Variants in DLG2 observed in about 807,000 individuals in gnomAD.
DLG2 encodes discs large MAGUK scaffold protein 2, also known as disks large homolog 2.
Under a neutral mutation model 132.5 loss-of-function variants are expected in DLG2, and 45 were observed. The observed-to-expected ratio is 0.34, with a 90% CI of 0.27 to 0.44. DLG2 has a LOEUF of 0.44. Among genes scored for constraint, DLG2 ranks in the 20% least tolerant of loss-of-function variants. The pLI is 1.00. For missense variants in DLG2, 1,045 were observed against 1,196.9 expected (o/e 0.87, Z 1.87); for synonymous variants, 424 against 419.6 (o/e 1.01, Z -0.13).
At position 85,586,490 on chromosome 11, in the gene DLG2, A is replaced by G. The variant is rs78367982; in HGVS notation, c.40+12167T>C. ...CTCCTCTACATTTTCTAGTTTGTCC[A>G]CATAATGGTGTTCAGAACAGTCTTG... On this transcript the variant is annotated intron_variant, in intron 3 of 27. Transcript: ENST00000376104. Among the ~76,000 whole-genome samples the G allele has an allele frequency of 3.1e-4, 47 of 152,308 alleles. 3 individuals carry two copies. The East Asian group carries it at 9.0e-3, about 29-fold the overall frequency.
intron 6 of DLG2, among the ~76,000 whole-genome samples, chr11:85,032,487 T>C (rs659414): frequency 0.15 from 22,561 of 152,104 alleles, 1,822 homozygotes; most frequent in South Asian, 0.28. Context: ...CTTTAATGAG[T>C]CTCTATTGGA....
intron 6 of DLG2, among the ~76,000 whole-genome samples, chr11:84,736,287 T>C (rs1484268046): frequency 6.6e-6 from 1 of 151,970 alleles, no homozygotes; most frequent in Non-Finnish European, 1.5e-5. Flanking sequence ...ATAATAATTA[T>C]TGAAACAACT....
At chr11:84,715,980 C>A (rs1415503685) in intron 6 of DLG2, among the ~76,000 whole-genome samples, 1 of 152,014 alleles carries the variant, frequency 6.6e-6, no homozygotes, top group Non-Finnish European at 1.5e-5. Flanking sequence ...CATTTAGAAA[C>A]CTTCACACTG....
At chr11:84,237,990 C>T (rs1326800134) in intron 8 of DLG2, among the ~76,000 whole-genome samples, 2 of 145,232 alleles carry the variant, frequency 1.4e-5, no homozygotes, top group Non-Finnish European at 3.0e-5. Context: ...TGCAGTGAGC[C>T]GAGAGATCAC....
At chr11:85,220,002 G>A (rs2074528115) in intron 4 of DLG2, among the ~76,000 whole-genome samples, 2 of 151,812 alleles carry the variant, frequency 1.3e-5, no homozygotes, top group Non-Finnish European at 2.9e-5. Context: ...AATTTGGAGA[G>A]TTTATTCATT....
intron 3 of DLG2, among the ~76,000 whole-genome samples, chr11:85,507,038 G>A (rs1307761114): frequency 1.3e-5 from 2 of 152,078 alleles, no homozygotes; most frequent in African/African-American, 2.4e-5. Flanking sequence ...TGTAACCCCT[G>A]CATTTTTTGT....
intron 6 of DLG2, among the ~76,000 whole-genome samples, chr11:84,954,064 TC>T (rs1365787025): frequency 6.6e-6 from 1 of 152,090 alleles, no homozygotes; most frequent in African/African-American, 2.4e-5. Context: ...TTATTGCTCT[TC>T]CCCTCACTAT....
At chr11:84,126,125 A>G (rs1470812120) in intron 9 of DLG2, among the ~76,000 whole-genome samples, 1 of 152,196 alleles carries the variant, frequency 6.6e-6, no homozygotes, top group East Asian at 1.9e-4. Flanking sequence ...AGTGTAACTC[A>G]TGGGGCACAG....
intron 3 of DLG2, among the ~76,000 whole-genome samples, chr11:85,512,178 C>T (rs2094087864): frequency 6.6e-6 from 1 of 151,986 alleles, no homozygotes; most frequent in Non-Finnish European, 1.5e-5. Context: ...TGAAAGATTT[C>T]TGTGGAACTA....
chr11:85,366,914 G>T (rs1295545594), intron 3 of DLG2, among the ~76,000 whole-genome samples: 1 of 151,972 alleles, frequency 6.6e-6, no homozygotes, highest in African/African-American at 2.4e-5. Context: ...CCTTGTTTAT[G>T]ATGTCATGAT....
chr11:85,592,491 G>T (rs1240489012), intron 3 of DLG2, among the ~76,000 whole-genome samples: 1 of 152,032 alleles, frequency 6.6e-6, no homozygotes, highest in African/African-American at 2.4e-5. Context: ...CTCTCACATG[G>T]GCCAGCAACA....
chr11:85,024,034 C>G (rs182268838), intron 6 of DLG2, among the ~76,000 whole-genome samples: 1 of 152,160 alleles, frequency 6.6e-6, no homozygotes, highest in East Asian at 1.9e-4. Context: ...CGTGAGGTGA[C>G]AAAATATGTA....
chr11:85,093,703 G>C (rs1007275638), intron 6 of DLG2, among the ~76,000 whole-genome samples: 7 of 152,170 alleles, frequency 4.6e-5, no homozygotes, highest in Admixed American at 2.0e-4. Context: ...ACTATCACAA[G>C]AACAGCACAA....
chr11:84,966,465 A>G (rs2053363326), intron 6 of DLG2, among the ~76,000 whole-genome samples: 2 of 152,138 alleles, frequency 1.3e-5, no homozygotes, highest in Non-Finnish European at 2.9e-5. Flanking sequence ...AGGGAAAAAC[A>G]TGACTTGAAT....
At chr11:85,575,387 T>A (rs993419362) in intron 3 of DLG2, among the ~76,000 whole-genome samples, 9 of 151,488 alleles carry the variant, frequency 5.9e-5, no homozygotes, top group African/African-American at 2.2e-4. Context: ...AAATTAAAAA[T>A]TATCCAGGCT....
In DLG2 at chr11:85,104,567, A is replaced by C. The variant is rs74800826; in HGVS notation, c.357+7094T>G. 3.9e-4 allele frequency among the ~76,000 whole-genome samples: 59 copies of C among 151,978 alleles called. No homozygotes were observed. In the East Asian group the frequency reaches 0.011, roughly 29 times the overall value. The stretch of plus-strand genomic sequence containing the variant: ...AGAGCTGGGAGGAGAATGGGAAATT[A>C]CTGCTAATGGATGTAGAGTTTCTTT... On this transcript the variant is annotated intron_variant, in intron 6 of 27. Coordinates refer to ENST00000376104, the MANE Select transcript of DLG2 (RefSeq NM_001142699.3).
At chr11:85,004,591 T>C (rs949396038) in intron 6 of DLG2, among the ~76,000 whole-genome samples, 5 of 152,144 alleles carry the variant, frequency 3.3e-5, no homozygotes, top group African/African-American at 4.8e-5. Context: ...AATTTGTTTA[T>C]ATTATTTGTA....
At chr11:83,831,528 A>G (rs1309549774) in intron 17 of DLG2, among the ~76,000 whole-genome samples, 2 of 150,880 alleles carry the variant, frequency 1.3e-5, no homozygotes, top group East Asian at 1.9e-4. Flanking sequence ...GTGTGTGTGT[A>G]TGTCAGAGAG....
At chr11:83,652,379 TTG>T (rs1302829287) in intron 18 of DLG2, among the ~76,000 whole-genome samples, 1 of 152,184 alleles carries the variant, frequency 6.6e-6, no homozygotes, top group Admixed American at 6.5e-5. Context: ...TGGTTTGTTT[TTG>T]TGTTTTTGAG....
Sources: gnomAD v4.1 joint callset for allele counts (sites outside exome capture counted in the v4.1 genomes callset) on GRCh38, gnomAD v4.1.1 for gene constraint, MANE v1.5 for transcripts, NCBI Gene and HGNC (gene_info 2026-07-23, HGNC 2026-07-21) for gene names.